STARD9: variants seen among roughly 807,000 people sequenced by gnomAD.
STARD9 encodes the protein stAR-related lipid transfer protein 9.
Under a neutral mutation model 399.8 loss-of-function variants are expected in STARD9, and 346 were observed. That is an observed-to-expected ratio of 0.87 (90% CI 0.79 to 0.95). The LOEUF (loss-of-function observed/expected upper bound fraction) is 0.95. Among genes scored for constraint, STARD9 ranks in the 40% least tolerant of loss-of-function variants. The probability of loss-of-function intolerance (pLI) is 0.00; values close to 1 mark genes in which losing one functional copy is unlikely to be tolerated. For synonymous variants in STARD9, 2,203 were observed against 2,143.5 expected (o/e 1.03, Z -0.77); for missense variants, 5,832 against 5,667.5 (o/e 1.03, Z -0.93).
At chr15:42,667,563 C>A (rs1440771462) in intron 15 of STARD9, among the ~76,000 whole-genome samples, 4 of 151,500 alleles carry the variant, frequency 2.6e-5, no homozygotes, top group Non-Finnish European at 4.4e-5. Flanking sequence ...CTCGCTGTAA[C>A]CTCTGCCTGC....
chr15:42,642,806 T>G (rs1048472776), intron 7 of STARD9, among the ~76,000 whole-genome samples: 3 of 152,150 alleles, frequency 2.0e-5, no homozygotes, highest in Admixed American at 6.6e-5. Flanking sequence ...TGTGGTGGTG[T>G]TTTTGTTTTT....
chr15:42,655,263 C>T (rs2059844189), intron 9 of STARD9, among the ~76,000 whole-genome samples: 2 of 152,338 alleles, frequency 1.3e-5, no homozygotes, highest in South Asian at 4.1e-4. Flanking sequence ...GCCTGGGCAA[C>T]AGAGTGAGAC....
At position 42,690,924 on chromosome 15, in the gene STARD9, A is replaced by G. The variant is rs777410613; in HGVS notation, c.9346A>G (p.Arg3116Gly). ...GTACTCTGAGCCCCTGAGGCAGTTTAGGGACAGCTCTGTAGGTGACCAGAA... is the reference window on the plus strand; with the variant it reads ...GTACTCTGAGCCCCTGAGGCAGTTTGGGGACAGCTCTGTAGGTGACCAGAA... ...GMYSEPLRQF[R>G]DSSVGDQNAQ... Residue 3116 changes from arginine (R) to glycine (G), a missense_variant, in exon 23 of 33, where the codon AGG (arginine) becomes GGG (glycine). Around this residue, in one of 2 missense-constraint regions of STARD9, gnomAD observed 5,828 missense variants for 5,651.1 expected, o/e 1.03. Coordinates refer to ENST00000290607, the MANE Select transcript of STARD9 (RefSeq NM_020759.3). 3.2e-5 allele frequency: 49 copies of G among 1,537,072 alleles called. No homozygotes were observed. The highest frequency in any genetic ancestry group is 4.1e-5 in the Non-Finnish European group (47 of 1,146,914).
chr15:42,695,658 G>A (rs185100037), intron 25 of STARD9, 85 bp from the exon 26 acceptor site: 26 of 1,437,390 alleles, frequency 1.8e-5, no homozygotes, highest in African/African-American at 5.6e-5. Context: ...GAGCAGGGAA[G>A]GGGTGGCTTT....
chr15:42,603,736 T>G (rs1338033521), intron 3 of STARD9, among the ~76,000 whole-genome samples: 3 of 152,148 alleles, frequency 2.0e-5, no homozygotes, highest in Non-Finnish European at 4.4e-5. Context: ...AAAGCTTGTC[T>G]TCTTGTGCTG....
chr15:42,680,467 G>T (rs1406537270), intron 20 of STARD9, among the ~76,000 whole-genome samples: 1 of 152,128 alleles, frequency 6.6e-6, no homozygotes, highest in East Asian at 1.9e-4. Context: ...GGGCGTGGTG[G>T]CATATGTCTG....
At position 42,687,310 on chromosome 15, in the gene STARD9, G is replaced by A. The variant is rs1011794525; in HGVS notation, c.5732G>A (p.Arg1911His). The change falls in exon 23 of 33, where the codon CGT (arginine) becomes CAT (histidine). Residue 1911 changes from arginine to histidine, a missense_variant. Arg to His is a conservative substitution (Grantham distance 29). Coordinates refer to ENST00000290607, the MANE Select transcript of STARD9 (RefSeq NM_020759.3). ...GAGTCTGGGAAGTCTCTCCTCTTTCGTGAATCTGAGGCACGAGAGGAAGAA... is the reference window on the plus strand; with the variant it reads ...GAGTCTGGGAAGTCTCTCCTCTTTCATGAATCTGAGGCACGAGAGGAAGAA... ...STESGKSLLF[R>H]ESEAREEEEL... 18 of 1,536,808 alleles carry A rather than the reference G, an allele frequency of 1.2e-5. No individual in the cohort carries two copies. Among genetic ancestry groups the A allele is most frequent in the Non-Finnish European group, 1.4e-5 (16 of 1,146,922 alleles).
intron 1 of STARD9, among the ~76,000 whole-genome samples, chr15:42,580,826 C>G (rs1041355707): frequency 6.6e-6 from 1 of 152,020 alleles, no homozygotes; most frequent in African/African-American, 2.4e-5. Context: ...AAAAAAAAAA[C>G]TAGGAAAGCC....
chr15:42,686,929 A>G lies in STARD9; in HGVS notation c.5351A>G (p.His1784Arg), dbSNP rs1469298734. Residue 1784 changes from histidine to arginine, a missense_variant, in exon 23 of 33, where the codon CAC (histidine) becomes CGC (arginine). His to Arg is a conservative substitution (Grantham distance 29, BLOSUM62 0). Around this residue, in one of 2 missense-constraint regions of STARD9, gnomAD observed 5,828 missense variants for 5,651.1 expected, o/e 1.03. Transcript: ENST00000290607. The part of the protein sequence containing the change: ...PPPREAWGFG[H>R]NHQALQGAYL... ...CCCAGGGAAGCCTGGGGCTTTGGTC[A>G]CAACCACCAAGCTCTCCAAGGTGCT... 1.3e-6 allele frequency: 2 copies of G among 1,536,764 alleles called. No homozygotes were observed. The highest frequency in any genetic ancestry group is 2.0e-5 in the Admixed American group (1 of 50,980).
intron 18 of STARD9, 68 bp from the exon 19 acceptor site, chr15:42,675,596 C>A (rs1308587316): frequency 6.6e-6 from 8 of 1,210,790 alleles, no homozygotes; most frequent in Non-Finnish European, 9.4e-6. Flanking sequence ...CAGAGCAGTG[C>A]CGTACACATA....
chr15:42,690,965 A>T lies in STARD9; in HGVS notation c.9387A>T (p.Gln3129His). The change falls in exon 23 of 33, where the codon CAA becomes CAT. Residue 3129 changes from glutamine to histidine, a missense_variant. This residue lies in a region of STARD9 where 5,828 missense variants were observed against 5,651.1 expected (regional missense o/e 1.03). Coordinates refer to ENST00000290607, the MANE Select transcript of STARD9 (RefSeq NM_020759.3). ...SVGDQNAQVC[Q>H]TNPEPPATTQ... ...GTGACCAGAATGCACAGGTGTGTCA[A>T]ACCAATCCAGAACCACCTGCAACAA... The T allele has an allele frequency of 5.2e-6, 8 of 1,537,222 alleles. No individual in the cohort carries two copies. The highest frequency in any genetic ancestry group is 5.2e-6 in the Non-Finnish European group (6 of 1,146,906).
At chr15:42,707,141 G>C (rs1378684450) in intron 26 of STARD9, among the ~76,000 whole-genome samples, 1 of 150,280 alleles carries the variant, frequency 6.7e-6, no homozygotes, top group East Asian at 1.9e-4. Flanking sequence ...TTTATGAATA[G>C]TTAAAAAAGT....
intron 20 of STARD9, among the ~76,000 whole-genome samples, chr15:42,679,385 A>T (rs191334483): frequency 2.6e-5 from 4 of 152,274 alleles, no homozygotes; most frequent in Non-Finnish European, 5.9e-5. Context: ...CACTGTGTAT[A>T]TTTGGCCTTT....
chr15:42,690,947 G>T lies in STARD9; in HGVS notation c.9369G>T (p.Gln3123His). The change falls in exon 23 of 33, where the codon CAG (glutamine) becomes CAT (histidine). Residue 3123 changes from glutamine to histidine, a missense_variant. This residue lies in a region of STARD9 where 5,828 missense variants were observed against 5,651.1 expected (regional missense o/e 1.03). Transcript: ENST00000290607. ...RQFRDSSVGD[Q>H]NAQVCQTNPE... is the part of the protein sequence containing the mutation. ...TTAGGGACAGCTCTGTAGGTGACCAGAATGCACAGGTGTGTCAAACCAATC... is the reference window on the plus strand; with the variant it reads ...TTAGGGACAGCTCTGTAGGTGACCATAATGCACAGGTGTGTCAAACCAATC... 6.5e-7 allele frequency: 1 copy of T among 1,537,238 alleles called. No individual in the cohort carries two copies. The highest frequency in any genetic ancestry group is 8.7e-7 in the Non-Finnish European group (1 of 1,146,914).
Position 42,692,045 on chromosome 15 carries a change from C to T in STARD9, c.10467C>T (p.Gly3489=), listed in dbSNP as rs1359942638. The T allele has an allele frequency of 6.5e-7, 1 of 1,537,252 alleles. No homozygotes were observed. The highest frequency in any genetic ancestry group is 8.7e-7 in the Non-Finnish European group (1 of 1,146,924). ...TCAGCTGGAAGCAGTATATGTCTGG[C>T]AGTGCAGTCGATGTTTCCTGCAGCC... ...ARISWKQYMS[G]SAVDVSCSQK... The change falls in exon 23 of 33, where the codon GGC becomes GGT. Residue 3489 remains glycine, a synonymous_variant. Transcript: ENST00000290607.
At chr15:42,629,470 T>C (rs1595670338) in intron 3 of STARD9, among the ~76,000 whole-genome samples, 1 of 152,234 alleles carries the variant, frequency 6.6e-6, no homozygotes, top group African/African-American at 2.4e-5. Context: ...TGTATGTTGA[T>C]TTTGTATCTT....
At position 42,638,781 on chromosome 15, in the gene STARD9, G is replaced by A. The variant is rs751199891; in HGVS notation, c.528G>A (p.Arg176=). 3.3e-6 allele frequency: 5 copies of A among 1,536,060 alleles called. No individual in the cohort carries two copies. In the South Asian group the frequency reaches 4.8e-5, roughly 15 times the overall value. Residue 176 remains arginine (R), a synonymous_variant, in exon 7 of 33, where the codon AGG becomes AGA. Coordinates refer to ENST00000290607, the MANE Select transcript of STARD9 (RefSeq NM_020759.3). ...AAAAGTCCTATACCCTGCGGGTCAG[G>A]GAGCATCCAGAGATGGGGCCCTATG... ...GQKKSYTLRV[R]EHPEMGPYVQ...
In STARD9 at chr15:42,718,477, C is replaced by G. The variant is rs1274919030; in HGVS notation, c.13805C>G (p.Pro4602Arg). 1.3e-6 allele frequency: 2 copies of G among 1,537,106 alleles called. No individual in the cohort carries two copies. The highest frequency in any genetic ancestry group is 1.7e-6 in the Non-Finnish European group (2 of 1,146,916). ...ACCACCCTGTGCGCACTGAAGCAGC[C>G]ACGGGATTTCTGTTGTGTCTGCGTG... ...CNTTLCALKQ[P>R]RDFCCVCVEA... The change falls in exon 31 of 33, where the codon CCA (proline) becomes CGA (arginine). Residue 4602 changes from proline to arginine, a missense_variant. Pro to Arg is a moderately radical substitution (Grantham distance 103). This residue lies in a region of STARD9 where 5,828 missense variants were observed against 5,651.1 expected (regional missense o/e 1.03). Coordinates refer to ENST00000290607, the MANE Select transcript of STARD9 (RefSeq NM_020759.3).
chr15:42,693,631 C>A lies in STARD9; in HGVS notation c.12053C>A (p.Pro4018Gln). Residue 4018 changes from proline (P) to glutamine (Q), a missense_variant, in exon 23 of 33, where the codon CCA (proline) becomes CAA (glutamine). By Grantham distance (76) the Pro-to-Gln change is moderately conservative (BLOSUM62 -1). Around this residue, in one of 2 missense-constraint regions of STARD9, gnomAD observed 5,828 missense variants for 5,651.1 expected, o/e 1.03. Transcript: ENST00000290607. ...TIGVQSRLLPPPLRHRSQRLG... is the reference protein window; with the variant it reads ...TIGVQSRLLPQPLRHRSQRLG... ...GGGGTCCAAAGCAGACTGCTGCCAC[C>A]ACCACTGAGGCACAGGAGCCAAAGG... 6.5e-7 allele frequency: 1 copy of A among 1,537,276 alleles called. No individual in the cohort carries two copies. The highest frequency in any genetic ancestry group is 8.7e-7 in the Non-Finnish European group (1 of 1,146,910).
Sources: allele counts gnomAD v4.1 joint callset (sites outside exome capture counted in the v4.1 genomes callset), GRCh38; gene constraint gnomAD v4.1.1; regional missense constraint gnomAD v4.1.1; transcripts MANE v1.5; gene names NCBI Gene and HGNC (gene_info 2026-07-23, HGNC 2026-07-21).